The following TUBG2 variants were observed in gnomAD, a reference collection of about 807,000 sequenced individuals.
TUBG2 encodes the protein tubulin gamma 2.
Under a neutral mutation model 55.1 loss-of-function variants are expected in TUBG2, and 39 were observed. The observed-to-expected ratio is 0.71, with a 90% confidence interval of 0.55 to 0.93. The LOEUF is 0.93. Among genes scored for constraint, TUBG2 ranks in the 40% least tolerant of loss-of-function variants. The probability of loss-of-function intolerance (pLI) is 0.00; values close to 1 mark genes in which losing one functional copy is unlikely to be tolerated. For synonymous variants in TUBG2, 223 were observed against 241.0 expected (o/e 0.93, Z 0.69); for missense variants, 358 against 599.1 (o/e 0.60, Z 4.20).
rs759719870 is a variant in TUBG2, at chr17:42,663,054, C to T, written c.479+2C>T. 2 of 1,613,582 alleles carry T rather than the reference C, an allele frequency of 1.2e-6. No homozygotes were observed. The highest frequency in any genetic ancestry group is 1.7e-6 in the Non-Finnish European group (2 of 1,179,796). On this transcript the variant is annotated splice_donor_variant, in intron 5 of 10. Coordinates refer to ENST00000251412, the MANE Select transcript of TUBG2 (RefSeq NM_016437.3). LOFTEE classifies it low-confidence loss of function (GC_TO_GT_DONOR). The stretch of plus-strand genomic sequence containing the variant: ...CCTCCTGGAGCGACTGAATGACAGG[C>T]AAGCCTGTGTTTGGGGAGAGGGCAT...
chr17:42,659,989 G>C, intron 2 of TUBG2, 43 bp downstream of exon 2: 1 of 1,534,782 alleles, frequency 6.5e-7, no homozygotes, highest in Non-Finnish European at 9.0e-7. Context: ...GGCCCAAGGG[G>C]GCGGAAGGGA....
intron 6 of TUBG2, among the ~76,000 whole-genome samples, chr17:42,665,274 C>T (rs1315571984): frequency 1.3e-5 from 2 of 152,046 alleles, no homozygotes; most frequent in Non-Finnish European, 2.9e-5. Context: ...GTCTCGATCT[C>T]CTGACCTTGT....
In TUBG2 at chr17:42,666,747, T is replaced by C. The variant is rs201785998; in HGVS notation, c.1303T>C (p.Tyr435His). The C allele has an allele frequency of 6.2e-7, 1 of 1,613,812 alleles. No individual in the cohort carries two copies. Among genetic ancestry groups the C allele is most frequent in the Admixed American group, 1.7e-5 (1 of 59,982 alleles). ...REVVQELIDE[Y>H]HAATQPDYIS... is the part of the protein sequence containing the mutation. Reference sequence around the variant, plus strand: ...GGTTGTTCAGGAGCTCATTGATGAGTACCATGCGGCCACCCAGCCAGACTA... The same window carrying C: ...GGTTGTTCAGGAGCTCATTGATGAGCACCATGCGGCCACCCAGCCAGACTA... The change falls in exon 11 of 11, where the codon TAC (tyrosine) becomes CAC (histidine). Residue 435 changes from tyrosine to histidine, a missense_variant. Physicochemically the swap from Tyr to His is moderately conservative, Grantham distance 83. Around this residue, in one of 8 missense-constraint regions of TUBG2, gnomAD observed 54 missense variants for 50.2 expected, o/e 1.08. Coordinates refer to ENST00000251412, the MANE Select transcript of TUBG2 (RefSeq NM_016437.3).
rs772537426 is a variant in TUBG2 at position 42,666,593 on chromosome 17, TCTCTTTCAG to T, written c.1159-3_1164del. 2.3e-5 allele frequency: 37 copies of T among 1,614,182 alleles called. No homozygotes were observed. The South Asian group carries it at 3.7e-4, about 16-fold the overall frequency. ...CTGGCTCGCATTTTGGAGATTTTCATCTCTTTCAGCTCTTTGAAAGTTCCTGCCAGCAGT... is the reference window on the plus strand; with the variant it reads ...CTGGCTCGCATTTTGGAGATTTTCATCTCTTTGAAAGTTCCTGCCAGCAGT... On this transcript the variant is annotated splice_acceptor_variant and splice_polypyrimidine_tract_variant and intron_variant, in intron 10 of 10. Coordinates refer to ENST00000251412, the MANE Select transcript of TUBG2 (RefSeq NM_016437.3). LOFTEE classifies it high-confidence loss of function.
chr17:42,662,489 C>G (rs2052411486), intron 4 of TUBG2, among the ~76,000 whole-genome samples: 1 of 152,030 alleles, frequency 6.6e-6, no homozygotes, highest in Non-Finnish European at 1.5e-5. Context: ...GCCCGTAGTC[C>G]CAGCTACTTG....
chr17:42,659,359 G>A lies in TUBG2; in HGVS notation c.-145G>A. 1.2e-6 allele frequency: 1 copy of A among 835,608 alleles called. No homozygotes were observed. The highest frequency in any genetic ancestry group is 1.8e-6 in the Non-Finnish European group (1 of 562,084). The allele number at this position is 835,608 out of a possible 1,614,324, so 51.8% of individuals were successfully genotyped here. On this transcript the variant is annotated 5_prime_UTR_variant, in exon 1 of 11. Transcript: ENST00000251412. ...CGGCCCACCGGCCGAGGAGAGGCCTGCGCTGCACACGCGCAGACCGAGCAT... is the reference window on the plus strand; with the variant it reads ...CGGCCCACCGGCCGAGGAGAGGCCTACGCTGCACACGCGCAGACCGAGCAT...
Position 42,665,524 on chromosome 17 carries a change from C to T in TUBG2, c.655C>T (p.His219Tyr). 6.2e-7 allele frequency: 1 copy of T among 1,614,186 alleles called. No homozygotes were observed. The highest frequency in any genetic ancestry group is 8.5e-7 in the Non-Finnish European group (1 of 1,180,020). The change falls in exon 7 of 11, where the codon CAC becomes TAC. Residue 219 changes from histidine to tyrosine, a missense_variant. His to Tyr is a moderately conservative substitution (Grantham distance 83). Transcript: ENST00000251412. ...ALNRIATDRL[H>Y]IQNPSFSQIN... ...GAACCGGATTGCCACAGACCGCCTG[C>T]ACATCCAGAACCCGTCCTTCTCCCA...
At chr17:42,662,560 C>T (rs142523601) in intron 4 of TUBG2, among the ~76,000 whole-genome samples, 151 of 151,244 alleles carry the variant, frequency 1.0e-3, no homozygotes, top group African/African-American at 3.3e-3. Context: ...GAGCCAAGAT[C>T]GGGCCATTGC....
In TUBG2 at chr17:42,665,760, C is replaced by A; in HGVS notation, c.776C>A (p.Ser259Ter). The A allele has an allele frequency of 6.2e-7, 1 of 1,614,230 alleles. No individual in the cohort carries two copies. The highest frequency in any genetic ancestry group is 8.5e-7 in the Non-Finnish European group (1 of 1,180,034). ...AATGACCTCATCGGCCTCATCGCCT[C>A]GCTCATTCCCACCCCACGGCTCCAC... ...MNNDLIGLIA[S>*]LIPTPRLHFL... The change falls in exon 8 of 11, where the codon TCG (serine) becomes TAG (stop). Residue 259 changes from serine to a stop codon, truncating the protein, a stop_gained. Transcript: ENST00000251412. LOFTEE classifies it high-confidence loss of function.
At position 42,666,936 on chromosome 17, in the gene TUBG2, C is replaced by G; in HGVS notation, c.*136C>G. ...AGCCCGTGAGCTGGTCCTGCTTCCT[C>G]CCTTCCATGCCCTAACTTTTAATAT... On this transcript the variant is annotated 3_prime_UTR_variant, in exon 11 of 11. Coordinates refer to ENST00000251412, the MANE Select transcript of TUBG2 (RefSeq NM_016437.3). The G allele has an allele frequency of 1.2e-6, 1 of 801,796 alleles. No individual in the cohort carries two copies. The highest frequency in any genetic ancestry group is 2.0e-6 in the Non-Finnish European group (1 of 506,318). The allele number at this position is 801,796 out of a possible 1,614,324, so 49.7% of individuals were successfully genotyped here.
intron 6 of TUBG2, 93 bp from the exon 7 acceptor site, chr17:42,665,383 C>T: frequency 6.3e-7 from 1 of 1,590,762 alleles, no homozygotes; most frequent in Non-Finnish European, 8.6e-7. Context: ...AAACCTACTT[C>T]CTGGCTTTGG....
At chr17:42,662,089 G>A (rs555173406) in intron 4 of TUBG2, among the ~76,000 whole-genome samples, 73 of 152,276 alleles carry the variant, frequency 4.8e-4, no homozygotes, top group African/African-American at 1.6e-3. Flanking sequence ...TGGATCATCC[G>A]AGCCCAGGAG....
At position 42,660,431 on chromosome 17, in the gene TUBG2, G is replaced by A. The variant is rs141433590; in HGVS notation, c.330+115G>A. 1,728 of 1,519,528 alleles carry A rather than the reference G, an allele frequency of 1.1e-3. 7 individuals are homozygous for A. Among genetic ancestry groups the A allele is most frequent in the Middle Eastern group, 6.1e-3 (35 of 5,754 alleles). The allele number at this position is 1,519,528 out of a possible 1,614,324, so 94.1% of individuals were successfully genotyped here. On this transcript the variant is annotated intron_variant, in intron 3 of 10. Transcript: ENST00000251412. ...AAAATAAGAGACAAAAGGATGTCCC[G>A]AACAAGAGGGACAGCCAGGGAGAGG...
At chr17:42,664,276 TA>T (rs11361586) in intron 6 of TUBG2, among the ~76,000 whole-genome samples, 132,968 of 140,350 alleles carry the variant, frequency 0.95, 62,987 homozygotes, top group East Asian at 0.99. Flanking sequence ...ACCTTGTGTT[TA>T]AAAAAAAAAA....
chr17:42,666,647 G>C lies in TUBG2; in HGVS notation c.1203G>C (p.Arg401=). The stretch of plus-strand genomic sequence containing the variant: ...AGCAGTTTGACAAGCTGCGGAAGCG[G>C]GATGCCTTCCTCGAGCAGTTCCGTA... ...SCQQFDKLRK[R]DAFLEQFRKE... The change falls in exon 11 of 11, where the codon CGG becomes CGC. Residue 401 remains arginine, a synonymous_variant. Transcript: ENST00000251412. 1.2e-6 allele frequency: 2 copies of C among 1,614,202 alleles called. No individual in the cohort carries two copies. The highest frequency in any genetic ancestry group is 1.7e-6 in the Non-Finnish European group (2 of 1,180,022).
chr17:42,664,795 G>A (rs754470712), intron 6 of TUBG2, among the ~76,000 whole-genome samples: 21 of 150,608 alleles, frequency 1.4e-4, no homozygotes, highest in Non-Finnish European at 2.7e-4. Context: ...TAGTCCGAGA[G>A]TATCTCATGG....
rs1281001112 is a variant in TUBG2, at chr17:42,666,855, G to A, written c.*55G>A. On this transcript the variant is annotated 3_prime_UTR_variant, in exon 11 of 11. Coordinates refer to ENST00000251412, the MANE Select transcript of TUBG2 (RefSeq NM_016437.3). Reference sequence around the variant, plus strand: ...AGATGGTAACCACAGCCTCGACCATGCCTGCTCCCTCTGACCCAGCTTCAC... The same window carrying A: ...AGATGGTAACCACAGCCTCGACCATACCTGCTCCCTCTGACCCAGCTTCAC... The A allele has an allele frequency of 3.8e-6, 6 of 1,593,964 alleles. No homozygotes were observed. Among genetic ancestry groups the A allele is most frequent in the Middle Eastern group, 1.7e-4 (1 of 5,998 alleles).
Position 42,659,331 on chromosome 17 carries a change from C to A in TUBG2, c.-173C>A, listed in dbSNP as rs1476560790. ...GAGAAAATGATGCCCAGGTTGGGCT[C>A]CCCGGCCCACCGGCCGAGGAGAGGC... On this transcript the variant is annotated 5_prime_UTR_variant, in exon 1 of 11. Transcript: ENST00000251412. 1 of 610,626 alleles carries A rather than the reference C, an allele frequency of 1.6e-6. No homozygotes were observed. Among genetic ancestry groups the A allele is most frequent in the South Asian group, 2.4e-5 (1 of 42,306 alleles). 37.8% of individuals were successfully genotyped at this position (610,626 alleles called of 1,614,324 possible). A position where few individuals can be genotyped will look rare whatever the true frequency, so the allele number is the denominator to read the frequency against.
intron 4 of TUBG2, among the ~76,000 whole-genome samples, chr17:42,662,571 A>C (rs545925283): frequency 3.2e-4 from 48 of 152,190 alleles, no homozygotes; most frequent in African/African-American, 1.1e-3. Context: ...GGGCCATTGC[A>C]CTACAGCTTG....
Sources: gnomAD v4.1 joint callset for allele counts (sites outside exome capture counted in the v4.1 genomes callset) on GRCh38, gnomAD v4.1.1 for gene constraint, gnomAD v4.1.1 regional missense constraint, MANE v1.5 for transcripts, NCBI Gene and HGNC (gene_info 2026-07-23, HGNC 2026-07-21) for gene names.